Variants in LSAMP observed in about 807,000 individuals in gnomAD.
The protein encoded by LSAMP is limbic system-associated membrane protein.
A neutral mutation model predicts 38.6 loss-of-function variants in LSAMP; 7 were observed. That is an observed-to-expected ratio of 0.18 (90% confidence interval 0.10 to 0.34). LSAMP has a LOEUF of 0.34. Among genes scored for constraint, LSAMP ranks in the 10% least tolerant of loss-of-function variants. The probability of loss-of-function intolerance (pLI) is 1.00; values close to 1 mark genes in which losing one functional copy is unlikely to be tolerated. For missense variants in LSAMP, 313 were observed against 420.0 expected (o/e 0.75, Z 2.23); for synonymous variants, 154 against 166.8 (o/e 0.92, Z 0.59).
intron 2 of LSAMP, among the ~76,000 whole-genome samples, chr3:116,050,815 C>T (rs1189389765): frequency 6.6e-6 from 1 of 152,146 alleles, no homozygotes; most frequent in East Asian, 1.9e-4. Flanking sequence ...GAAATTCTGT[C>T]TTTTTTCCAA....
At chr3:116,101,435 C>T (rs1559742618) in intron 1 of LSAMP, among the ~76,000 whole-genome samples, 1 of 152,064 alleles carries the variant, frequency 6.6e-6, no homozygotes, top group Non-Finnish European at 1.5e-5. Context: ...TTTAAATTGA[C>T]ATGTAATAAT....
chr3:115,854,254 T>C (rs962652767), intron 3 of LSAMP, among the ~76,000 whole-genome samples: 3 of 116,928 alleles, frequency 2.6e-5, no homozygotes, highest in Non-Finnish European at 5.3e-5. Flanking sequence ...AGTTAAATAT[T>C]ATTATTATTA....
chr3:115,863,007 G>A (rs374406377), intron 3 of LSAMP, among the ~76,000 whole-genome samples: 16 of 152,280 alleles, frequency 1.1e-4, no homozygotes, highest in African/African-American at 3.6e-4. Context: ...TGAGGCCAGT[G>A]GGCCAAAGCT....
chr3:115,980,752 A>G (rs1939334012), intron 3 of LSAMP, among the ~76,000 whole-genome samples: 1 of 152,186 alleles, frequency 6.6e-6, no homozygotes, highest in Non-Finnish European at 1.5e-5. Context: ...GACAAGCCCC[A>G]AGGTCCCAGC....
intron 1 of LSAMP, among the ~76,000 whole-genome samples, chr3:116,394,663 T>C (rs1176300374): frequency 1.3e-5 from 2 of 151,660 alleles, no homozygotes; most frequent in African/African-American, 4.9e-5. Context: ...ACTGAGATCC[T>C]TGATGCTTGA....
chr3:116,432,207 G>A (rs1417577688), intron 1 of LSAMP, among the ~76,000 whole-genome samples: 2 of 151,776 alleles, frequency 1.3e-5, no homozygotes, highest in South Asian at 2.1e-4. Flanking sequence ...AATTAATTAG[G>A]TTCCTATTAA....
chr3:116,208,831 C>A (rs1030158509), intron 1 of LSAMP, among the ~76,000 whole-genome samples: 5 of 152,182 alleles, frequency 3.3e-5, no homozygotes, highest in Admixed American at 1.3e-4. Context: ...TTTAAGTTTG[C>A]AGAGTTTACT....
At chr3:116,102,401 G>T (rs1366606457) in intron 1 of LSAMP, among the ~76,000 whole-genome samples, 1 of 152,246 alleles carries the variant, frequency 6.6e-6, no homozygotes, top group South Asian at 2.1e-4. Context: ...AATTTTATTT[G>T]TCTAACTGAC....
chr3:116,268,464 G>C (rs2046923018), intron 1 of LSAMP, among the ~76,000 whole-genome samples: 1 of 151,986 alleles, frequency 6.6e-6, no homozygotes, highest in Non-Finnish European at 1.5e-5. Context: ...ACGGGGGATG[G>C]GGGAAGACAA....
intron 1 of LSAMP, among the ~76,000 whole-genome samples, chr3:116,383,990 A>C (rs1461512110): frequency 6.6e-6 from 1 of 152,128 alleles, no homozygotes; most frequent in Non-Finnish European, 1.5e-5. Flanking sequence ...TTCAGCTGAG[A>C]TCTAAACCTA....
intron 3 of LSAMP, among the ~76,000 whole-genome samples, chr3:116,007,232 G>T (rs1940187157): frequency 6.6e-6 from 1 of 152,050 alleles, no homozygotes; most frequent in Non-Finnish European, 1.5e-5. Context: ...AAAAATTTCT[G>T]ACTTGATGCA....
intron 1 of LSAMP, among the ~76,000 whole-genome samples, chr3:116,154,788 T>C (rs978462438): frequency 1.3e-5 from 2 of 152,140 alleles, no homozygotes; most frequent in South Asian, 2.1e-4. Flanking sequence ...TTGAGGAATA[T>C]GAGACAATTC....
chr3:116,325,546 C>G (rs2047758726), intron 1 of LSAMP, among the ~76,000 whole-genome samples: 2 of 152,146 alleles, frequency 1.3e-5, no homozygotes, highest in South Asian at 4.1e-4. Context: ...TTCATTTCCA[C>G]TGGAGGTAGA....
At chr3:115,852,371 A>T in intron 4 of LSAMP, 112 bp downstream of exon 4, 2 of 1,286,884 alleles carry the variant, frequency 1.6e-6, no homozygotes, top group Admixed American at 2.5e-5. Flanking sequence ...TCCTGGCCAG[A>T]GGAGCATCTG....
At chr3:116,420,271 A>C (rs1559861818) in intron 1 of LSAMP, among the ~76,000 whole-genome samples, 1 of 151,256 alleles carries the variant, frequency 6.6e-6, no homozygotes, top group African/African-American at 2.4e-5. Flanking sequence ...CTAATTTTTG[A>C]ATTTTTAGTA....
chr3:115,907,674 GC>G (rs1937041119), intron 3 of LSAMP, among the ~76,000 whole-genome samples: 1 of 152,082 alleles, frequency 6.6e-6, no homozygotes, highest in Non-Finnish European at 1.5e-5. Context: ...CAGCCAAATA[GC>G]AAAAAGTAGT....
At chr3:115,909,336 C>G (rs1576208736) in intron 3 of LSAMP, among the ~76,000 whole-genome samples, 1 of 152,348 alleles carries the variant, frequency 6.6e-6, no homozygotes, top group Non-Finnish European at 1.5e-5. Context: ...CACAGTCTTG[C>G]AAGTGGTCCT....
chr3:116,220,981 C>T (rs2046277078), intron 1 of LSAMP, among the ~76,000 whole-genome samples: 2 of 151,752 alleles, frequency 1.3e-5, no homozygotes, highest in African/African-American at 4.8e-5. Flanking sequence ...GGTGAAACCC[C>T]ATCTCTACTA....
chr3:116,409,961 G>T (rs762298265), intron 1 of LSAMP, among the ~76,000 whole-genome samples: 1 of 151,990 alleles, frequency 6.6e-6, no homozygotes, highest in African/African-American at 2.4e-5. Flanking sequence ...CCTCTGCCAC[G>T]ACATTTCTCA....
Sources: allele counts gnomAD v4.1 joint callset (sites outside exome capture counted in the v4.1 genomes callset), GRCh38; gene constraint gnomAD v4.1.1; transcripts MANE v1.5; gene names NCBI Gene and HGNC (gene_info 2026-07-23, HGNC 2026-07-21).